Variants in TRAM2 observed in about 807,000 individuals in gnomAD.
TRAM2 encodes the protein translocating chain-associated membrane protein 2.
In TRAM2, 12 loss-of-function variants were observed where a neutral mutation model predicts 51.0. The ratio of observed to expected loss-of-function variants is 0.24; its 90% CI spans 0.15 to 0.38. The LOEUF is 0.38. Ranked by LOEUF, TRAM2 falls within the 10% of genes least tolerant of loss-of-function variation. TRAM2 has a pLI of 1.00. For synonymous variants in TRAM2, 175 were observed against 179.4 expected (o/e 0.98, Z 0.20); for missense variants, 361 against 462.0 (o/e 0.78, Z 2.00).
intron 1 of TRAM2, among the ~76,000 whole-genome samples, chr6:52,562,466 G>C (rs62405877): frequency 0.036 from 5,437 of 152,250 alleles, 103 homozygotes; most frequent in African/African-American, 0.058. Flanking sequence ...CAATAGGAGA[G>C]AGCCCCATGA....
intron 1 of TRAM2, among the ~76,000 whole-genome samples, chr6:52,548,691 A>C (rs1290930850): frequency 6.6e-6 from 1 of 152,246 alleles, no homozygotes; most frequent in East Asian, 1.9e-4. Flanking sequence ...CTGGACTGTT[A>C]ATCACCATGC....
intron 4 of TRAM2, among the ~76,000 whole-genome samples, chr6:52,510,649 C>T (rs1335932690): frequency 1.3e-5 from 2 of 152,114 alleles, no homozygotes; most frequent in Non-Finnish European, 1.5e-5. Flanking sequence ...CAGCCCATAC[C>T]CAAGGTGAAA....
chr6:52,570,800 C>CCCA (rs1767666142), intron 1 of TRAM2, among the ~76,000 whole-genome samples: 1 of 115,796 alleles, frequency 8.6e-6, no homozygotes, highest in African/African-American at 3.1e-5. Context: ...CCACCACCCC[C>CCCA]CCCCCCACAC....
intron 4 of TRAM2, among the ~76,000 whole-genome samples, chr6:52,511,164 C>T (rs1002409035): frequency 6.6e-6 from 1 of 152,188 alleles, no homozygotes; most frequent in African/African-American, 2.4e-5. Flanking sequence ...AGTGCAATGG[C>T]ACGATCTCAG....
chr6:52,520,568 T>C (rs1187072413), intron 2 of TRAM2, among the ~76,000 whole-genome samples: 1 of 152,256 alleles, frequency 6.6e-6, no homozygotes, highest in Non-Finnish European at 1.5e-5. Context: ...CTATAGCCTC[T>C]TTCATGGTTT....
At chr6:52,542,238 A>G (rs1437550638) in intron 1 of TRAM2, among the ~76,000 whole-genome samples, 1 of 151,058 alleles carries the variant, frequency 6.6e-6, no homozygotes, top group Admixed American at 6.6e-5. Context: ...AGTTACGCCC[A>G]ATTGGTGGGG....
At chr6:52,561,305 C>T (rs1018880150) in intron 1 of TRAM2, among the ~76,000 whole-genome samples, 2 of 152,094 alleles carry the variant, frequency 1.3e-5, no homozygotes, top group African/African-American at 2.4e-5. Flanking sequence ...TTTGTAGAGA[C>T]GGAGCCTCGC....
intron 6 of TRAM2, 145 bp from the exon 7 acceptor site, chr6:52,507,768 T>C: frequency 1.4e-6 from 1 of 709,326 alleles, no homozygotes; most frequent in Non-Finnish European, 2.4e-6. Context: ...AGTCCCACAG[T>C]CCCACTGCAC....
At position 52,497,494 on chromosome 6, in the gene TRAM2, A is replaced by ATTTG. The variant is rs1302462341; in HGVS notation, c.*5699_*5702dup. The ATTTG allele has an allele frequency of 6.6e-6, 1 of 152,656 alleles. No individual in the cohort carries two copies. Among genetic ancestry groups the ATTTG allele is most frequent in the Non-Finnish European group, 1.5e-5 (1 of 68,042 alleles). 9.5% of individuals were successfully genotyped at this position (152,656 alleles called of 1,614,324 possible). On this transcript the variant is annotated 3_prime_UTR_variant, in exon 11 of 11. Coordinates refer to ENST00000182527, the MANE Select transcript of TRAM2 (RefSeq NM_012288.4). ...TTTAAAAAATCCATACAAAACTGTA[A>ATTTG]TTTGTTTTAAAACCAGACAGAAACA...
chr6:52,534,642 T>C (rs982771529), intron 2 of TRAM2, among the ~76,000 whole-genome samples: 1 of 152,202 alleles, frequency 6.6e-6, no homozygotes, highest in Non-Finnish European at 1.5e-5. Context: ...CTAAATTAGT[T>C]GGCAACATTT....
At chr6:52,560,249 TAAAA>T (rs749424944) in intron 1 of TRAM2, among the ~76,000 whole-genome samples, 1 of 127,758 alleles carries the variant, frequency 7.8e-6, no homozygotes, top group African/African-American at 2.8e-5. Context: ...CTGTCTCAAA[TAAAA>T]AAAAAAAAAG....
chr6:52,536,660 G>A (rs574251792), intron 1 of TRAM2, among the ~76,000 whole-genome samples: 1 of 152,146 alleles, frequency 6.6e-6, no homozygotes, highest in Non-Finnish European at 1.5e-5. Context: ...CATAAAATCA[G>A]GGGTGCTTGT....
intron 2 of TRAM2, among the ~76,000 whole-genome samples, chr6:52,529,048 G>A (rs1162353625): frequency 1.3e-5 from 2 of 151,988 alleles, no homozygotes; most frequent in Non-Finnish European, 2.9e-5. Context: ...CCACCACCAC[G>A]CCCGGCTAAT....
rs1207528226 is a variant in TRAM2 at position 52,502,548 on chromosome 6, T to C, written c.*649A>G. 1 of 152,292 alleles carries C rather than the reference T, an allele frequency of 6.6e-6. No homozygotes were observed. Among genetic ancestry groups the C allele is most frequent in the African/African-American group, 2.4e-5 (1 of 41,446 alleles). 9.4% of individuals were successfully genotyped at this position (152,292 alleles called of 1,614,324 possible). Reference sequence around the variant, plus strand: ...GTTCACACCATCCTTCTGGATTGAGTTGTCACGTCCCAAAGCCAAATGCCT... The same window carrying C: ...GTTCACACCATCCTTCTGGATTGAGCTGTCACGTCCCAAAGCCAAATGCCT... On this transcript the variant is annotated 3_prime_UTR_variant, in exon 11 of 11. Transcript: ENST00000182527.
At chr6:52,557,110 A>G (rs2114101020) in intron 1 of TRAM2, among the ~76,000 whole-genome samples, 1 of 149,548 alleles carries the variant, frequency 6.7e-6, no homozygotes, top group Non-Finnish European at 1.5e-5. Context: ...GGAGAATCGC[A>G]TGGGCCTGGG....
chr6:52,521,821 CCT>C (rs1766682079), intron 2 of TRAM2, among the ~76,000 whole-genome samples: 1 of 152,166 alleles, frequency 6.6e-6, no homozygotes, highest in African/African-American at 2.4e-5. Flanking sequence ...ATAGACTGCC[CCT>C]GTCGTGCATG....
At chr6:52,561,756 T>C (rs916617271) in intron 1 of TRAM2, among the ~76,000 whole-genome samples, 1 of 152,152 alleles carries the variant, frequency 6.6e-6, no homozygotes, top group Non-Finnish European at 1.5e-5. Context: ...CCCAAAGTGC[T>C]GGGATTACAG....
intron 1 of TRAM2, among the ~76,000 whole-genome samples, chr6:52,567,510 G>C (rs915272600): frequency 1.3e-5 from 2 of 152,162 alleles, no homozygotes; most frequent in Non-Finnish European, 2.9e-5. Flanking sequence ...TCCCAGGCTG[G>C]GCAAAGAATG....
At chr6:52,516,340 T>G in intron 3 of TRAM2, 1 of 595,500 alleles carries the variant, frequency 1.7e-6, no homozygotes, top group Non-Finnish European at 3.0e-6. Flanking sequence ...CTCTAGCCTA[T>G]GTGTAAAGAA....
Sources: allele counts gnomAD v4.1 joint callset (sites outside exome capture counted in the v4.1 genomes callset), GRCh38; gene constraint gnomAD v4.1.1; transcripts MANE v1.5; gene names NCBI Gene and HGNC (gene_info 2026-07-23, HGNC 2026-07-21).